MAD1L1: variants seen among roughly 807,000 people sequenced by gnomAD.
The protein encoded by MAD1L1 is mitotic spindle assembly checkpoint protein MAD1.
Under a neutral mutation model 96.9 loss-of-function variants are expected in MAD1L1, and 95 were observed. The ratio of observed to expected loss-of-function variants is 0.98; its 90% CI spans 0.83 to 1.16. MAD1L1 has a LOEUF of 1.16. Among genes scored for constraint, MAD1L1 ranks in the 50% most tolerant of loss-of-function variants. MAD1L1 has a pLI of 0.00. For missense variants in MAD1L1, 1,007 were observed against 954.4 expected, an observed-to-expected ratio of 1.06 and a Z score of -0.73; for synonymous variants, 473 against 396.6, an observed-to-expected ratio of 1.19 and a Z score of -2.29.
chr7:1,839,493 G>C (rs546195856), intron 18 of MAD1L1, among the ~76,000 whole-genome samples: 38 of 152,326 alleles, frequency 2.5e-4, no homozygotes, highest in African/African-American at 8.9e-4. Flanking sequence ...GTTCGCTTCC[G>C]AGTGGGGCTG....
chr7:1,863,254 G>A (rs1188816703), intron 18 of MAD1L1, among the ~76,000 whole-genome samples: 4 of 152,278 alleles, frequency 2.6e-5, no homozygotes, highest in Non-Finnish European at 4.4e-5. Context: ...GCCGGGTGCG[G>A]CTCATCAGGC....
chr7:2,226,345 C>T (rs73041386), intron 3 of MAD1L1, among the ~76,000 whole-genome samples: 3 of 151,804 alleles, frequency 2.0e-5, no homozygotes, highest in East Asian at 1.9e-4. Flanking sequence ...CTCTCAGAAG[C>T]CTGCCTACCA....
At chr7:2,017,327 A>G (rs1161371321) in intron 12 of MAD1L1, among the ~76,000 whole-genome samples, 1 of 152,210 alleles carries the variant, frequency 6.6e-6, no homozygotes, top group African/African-American at 2.4e-5. Context: ...GCAGAGTTAC[A>G]TTGTCCACTG....
At chr7:2,064,124 G>C (rs1200440944) in intron 12 of MAD1L1, among the ~76,000 whole-genome samples, 1 of 152,172 alleles carries the variant, frequency 6.6e-6, no homozygotes, top group East Asian at 1.9e-4. Context: ...AATCCAAGGA[G>C]GCTGGGGATG....
At chr7:2,046,208 C>T (rs1584177547) in intron 12 of MAD1L1, among the ~76,000 whole-genome samples, 2 of 152,162 alleles carry the variant, frequency 1.3e-5, no homozygotes, top group African/African-American at 2.4e-5. Context: ...AGGGGAGTCC[C>T]ATCCCTTTCC....
rs151314707 is a variant in MAD1L1 at position 2,128,525 on chromosome 7, T to C, written c.1073+20627A>G. Among the ~76,000 whole-genome samples, 30 of 152,270 alleles carry C rather than the reference T, an allele frequency of 2.0e-4. No individual in the cohort carries two copies. The East Asian group carries it at 3.5e-3, about 18-fold the overall frequency. ...GAGAGGCCAGGTGACCTGCCCTGCC[T>C]GAGGGAAGGCCCTGACGGGAGTCCC... On this transcript the variant is annotated intron_variant, in intron 11 of 18. Coordinates refer to ENST00000265854, the MANE Select transcript of MAD1L1 (RefSeq NM_001013836.2).
At chr7:2,041,500 C>T (rs1447233489) in intron 12 of MAD1L1, among the ~76,000 whole-genome samples, 2 of 152,200 alleles carry the variant, frequency 1.3e-5, no homozygotes, top group Admixed American at 6.5e-5. Flanking sequence ...TCCCTGACTC[C>T]ATTTGGGCAC....
At chr7:1,907,963 G>A (rs963977470) in intron 17 of MAD1L1, among the ~76,000 whole-genome samples, 9 of 152,218 alleles carry the variant, frequency 5.9e-5, no homozygotes, top group Non-Finnish European at 5.9e-5. Context: ...GCCCCCTCAG[G>A]AGACAGCGGC....
intron 10 of MAD1L1, among the ~76,000 whole-genome samples, chr7:2,175,865 T>G (rs960648799): frequency 6.6e-6 from 1 of 151,990 alleles, no homozygotes; most frequent in East Asian, 1.9e-4. Flanking sequence ...TAAAAACAGA[T>G]GGAAAAACTA....
intron 10 of MAD1L1, among the ~76,000 whole-genome samples, chr7:2,154,725 T>C (rs566807480): frequency 6.6e-6 from 1 of 152,230 alleles, no homozygotes; most frequent in African/African-American, 2.4e-5. Context: ...TTTAAGGCAA[T>C]GGTTTCAGAG....
intron 12 of MAD1L1, among the ~76,000 whole-genome samples, chr7:2,042,209 GCACA>G (rs550919988): frequency 7.6e-6 from 1 of 130,980 alleles, no homozygotes; most frequent in Non-Finnish European, 1.6e-5. Flanking sequence ...ACACAGACAC[GCACA>G]CAGACGTGCA....
At chr7:1,976,458 G>C (rs1463031460) in intron 15 of MAD1L1, among the ~76,000 whole-genome samples, 1 of 152,192 alleles carries the variant, frequency 6.6e-6, no homozygotes, top group Non-Finnish European at 1.5e-5. Flanking sequence ...CCTCCCAGTG[G>C]GTTCGTGGTC....
intron 13 of MAD1L1, among the ~76,000 whole-genome samples, chr7:2,007,195 C>T (rs12670737): frequency 0.36 from 54,832 of 152,076 alleles, 10,394 homozygotes; most frequent in East Asian, 0.57. Context: ...ACGCTGGGCA[C>T]GTCAGTCACT....
At chr7:1,940,829 G>A (rs928285219) in intron 16 of MAD1L1, among the ~76,000 whole-genome samples, 4 of 151,746 alleles carry the variant, frequency 2.6e-5, no homozygotes. Flanking sequence ...TTAGTTGAGG[G>A]GCTGCACAGA....
In MAD1L1 at chr7:2,056,131, G is replaced by A. The variant is rs576523261; in HGVS notation, c.1218+13063C>T. 4.0e-3 allele frequency among the ~76,000 whole-genome samples: 616 copies of A among 152,360 alleles called. 6 individuals are homozygous for A. The highest frequency in any genetic ancestry group is 0.014 in the African/African-American group (583 of 41,578). On this transcript the variant is annotated intron_variant, in intron 12 of 18. Coordinates refer to ENST00000265854, the MANE Select transcript of MAD1L1 (RefSeq NM_001013836.2). ...CCCCGACGCCTCAGCGGGCGCCACA[G>A]GGAACATGATGACTGTCTGACACAA...
intron 14 of MAD1L1, chr7:1,980,885 C>A: frequency 2.5e-6 from 1 of 405,582 alleles, no homozygotes; most frequent in Non-Finnish European, 4.8e-6. Flanking sequence ...GGTTTAACAG[C>A]CACAAGCCGT....
chr7:2,057,157 C>T (rs1402123767), intron 12 of MAD1L1, among the ~76,000 whole-genome samples: 4 of 152,336 alleles, frequency 2.6e-5, no homozygotes, highest in South Asian at 2.1e-4. Flanking sequence ...CCTTGAGCTC[C>T]GAGTCTGCTG....
chr7:2,156,506 T>A (rs994289415), intron 10 of MAD1L1, among the ~76,000 whole-genome samples: 1 of 148,738 alleles, frequency 6.7e-6, no homozygotes, highest in Non-Finnish European at 1.5e-5. Flanking sequence ...CTTCCGGAAC[T>A]ACCGATCATC....
intron 10 of MAD1L1, among the ~76,000 whole-genome samples, chr7:2,161,393 T>C (rs1186774489): frequency 1.3e-5 from 2 of 152,026 alleles, no homozygotes; most frequent in East Asian, 1.9e-4. Flanking sequence ...AGACGGAGTC[T>C]CACTCACTCA....
Sources: allele counts gnomAD v4.1 joint callset (sites outside exome capture counted in the v4.1 genomes callset), GRCh38; gene constraint gnomAD v4.1.1; transcripts MANE v1.5; gene names NCBI Gene and HGNC (gene_info 2026-07-23, HGNC 2026-07-21).